The following ADAMTSL1 variants were observed in gnomAD, a reference collection of about 807,000 sequenced individuals.
The protein encoded by ADAMTSL1 is ADAMTS-like protein 1.
In ADAMTSL1, 126 loss-of-function variants were observed where a neutral mutation model predicts 201.8. That is an observed-to-expected ratio of 0.62 (90% CI 0.54 to 0.72). ADAMTSL1 has a LOEUF of 0.72. ADAMTSL1 is among the 30% of genes least tolerant of loss of function. The probability of loss-of-function intolerance (pLI) is 0.00; values close to 1 mark genes in which losing one functional copy is unlikely to be tolerated. For synonymous variants in ADAMTSL1, 1,121 were observed against 903.4 expected (o/e 1.24, Z -4.32); for missense variants, 2,679 against 2,277.8 (o/e 1.18, Z -3.59).
chr9:18,387,756 C>T (rs1226470205), intron 2 of ADAMTSL1, among the ~76,000 whole-genome samples: 3 of 152,016 alleles, frequency 2.0e-5, no homozygotes, highest in South Asian at 2.1e-4. Context: ...TTTATTGTAA[C>T]TGTAGGCTTG....
chr9:18,809,015 G>A (rs1823339986), intron 20 of ADAMTSL1, among the ~76,000 whole-genome samples: 2 of 152,208 alleles, frequency 1.3e-5, no homozygotes, highest in African/African-American at 4.8e-5. Context: ...GATACTTATT[G>A]AGAATCTACT....
At chr9:18,221,029 C>T (rs1170994914) in intron 2 of ADAMTSL1, among the ~76,000 whole-genome samples, 1 of 152,078 alleles carries the variant, frequency 6.6e-6, no homozygotes, top group Non-Finnish European at 1.5e-5. Flanking sequence ...CCCTCTTTGG[C>T]CTCCCAAAGT....
intron 2 of ADAMTSL1, among the ~76,000 whole-genome samples, chr9:18,378,004 C>A (rs1163623144): frequency 1.3e-5 from 2 of 152,182 alleles, no homozygotes; most frequent in Non-Finnish European, 2.9e-5. Flanking sequence ...GGGGTGCCAG[C>A]GTTTTGGCAC....
chr9:18,842,721 A>G (rs1217909829), intron 23 of ADAMTSL1, among the ~76,000 whole-genome samples: 7 of 152,110 alleles, frequency 4.6e-5, no homozygotes, highest in African/African-American at 9.7e-5. Flanking sequence ...GGGTGCTCCC[A>G]TATTGGGTGC....
intron 1 of ADAMTSL1, among the ~76,000 whole-genome samples, chr9:17,954,119 C>T (rs934808276): frequency 1.1e-4 from 16 of 152,178 alleles, no homozygotes; most frequent in Middle Eastern, 3.2e-3. Context: ...TGTCTATCAC[C>T]TCATGTGGGA....
chr9:18,740,348 G>C (rs1457341379), intron 15 of ADAMTSL1, among the ~76,000 whole-genome samples: 3 of 151,752 alleles, frequency 2.0e-5, no homozygotes, highest in Non-Finnish European at 4.4e-5. Flanking sequence ...CTGCTTCCCA[G>C]TCTCCCCCAC....
chr9:18,753,079 G>C (rs923564001), intron 15 of ADAMTSL1, among the ~76,000 whole-genome samples: 1 of 152,098 alleles, frequency 6.6e-6, no homozygotes, highest in Admixed American at 6.6e-5. Flanking sequence ...GGTAAAAATT[G>C]GATATTCCAT....
At chr9:18,184,494 A>G (rs1013099884) in intron 2 of ADAMTSL1, among the ~76,000 whole-genome samples, 4 of 152,224 alleles carry the variant, frequency 2.6e-5, no homozygotes, top group Admixed American at 1.3e-4. Flanking sequence ...TGATAAGAGG[A>G]TAGGATTTTT....
chr9:17,940,607 G>A (rs1042096331), intron 1 of ADAMTSL1, among the ~76,000 whole-genome samples: 1 of 151,512 alleles, frequency 6.6e-6, no homozygotes, highest in Admixed American at 6.6e-5. Flanking sequence ...ATTTGGAAAT[G>A]CAAGATGGGA....
intron 2 of ADAMTSL1, among the ~76,000 whole-genome samples, chr9:18,440,279 C>T (rs901718684): frequency 6.6e-6 from 1 of 152,098 alleles, no homozygotes; most frequent in South Asian, 2.1e-4. Context: ...GTAGACCCCT[C>T]AGTACCCATG....
Position 18,635,988 on chromosome 9 carries a change from G to T in ADAMTSL1, c.647G>T (p.Arg216Leu). ...VAIPYGSRHI[R>L]LVLKGPDHLY... ...ATTCCCTATGGAAGTAGACATATTCGCCTTGTCTTAAAAGGTCCTGATCAC... is the reference window on the plus strand; with the variant it reads ...ATTCCCTATGGAAGTAGACATATTCTCCTTGTCTTAAAAGGTCCTGATCAC... The change falls in exon 6 of 29, where the codon CGC becomes CTC. Residue 216 changes from arginine (R) to leucine (L), a missense_variant. Physicochemically the swap from Arg to Leu is moderately radical, Grantham distance 102. Transcript: ENST00000380548. The T allele has an allele frequency of 1.2e-6, 2 of 1,602,096 alleles. No homozygotes were observed. Among genetic ancestry groups the T allele is most frequent in the Non-Finnish European group, 8.5e-7 (1 of 1,177,238 alleles).
intron 6 of ADAMTSL1, among the ~76,000 whole-genome samples, chr9:18,637,811 G>A (rs1470714647): frequency 6.6e-6 from 1 of 152,070 alleles, no homozygotes; most frequent in Non-Finnish European, 1.5e-5. Context: ...ATAAGATGAG[G>A]CAATCTAGTC....
intron 5 of ADAMTSL1, among the ~76,000 whole-genome samples, chr9:18,631,182 T>G (rs2132736246): frequency 6.6e-6 from 1 of 152,328 alleles, no homozygotes. Flanking sequence ...TTTAACTGAT[T>G]ACATATAAAG....
At chr9:18,623,829 C>T (rs1273189607) in intron 5 of ADAMTSL1, among the ~76,000 whole-genome samples, 1 of 152,176 alleles carries the variant, frequency 6.6e-6, no homozygotes, top group African/African-American at 2.4e-5. Context: ...GTATTTCTTT[C>T]CATATGTCTC....
At chr9:17,971,198 AG>A (rs1314900324) in intron 1 of ADAMTSL1, among the ~76,000 whole-genome samples, 1 of 152,034 alleles carries the variant, frequency 6.6e-6, no homozygotes, top group Non-Finnish European at 1.5e-5. Context: ...GATAGTTTGG[AG>A]GGTTGGAAAA....
At chr9:18,587,078 C>T (rs1459256418) in intron 4 of ADAMTSL1, among the ~76,000 whole-genome samples, 1 of 152,080 alleles carries the variant, frequency 6.6e-6, no homozygotes, top group Non-Finnish European at 1.5e-5. Flanking sequence ...AGCAATTCAA[C>T]AAAAGCAAAC....
chr9:18,453,539 G>C (rs924160615), intron 2 of ADAMTSL1, among the ~76,000 whole-genome samples: 1 of 151,512 alleles, frequency 6.6e-6, no homozygotes, highest in Admixed American at 6.6e-5. Flanking sequence ...TTTTAGTTTT[G>C]CTTCTCTTTT....
intron 4 of ADAMTSL1, among the ~76,000 whole-genome samples, chr9:18,593,094 T>G (rs1484290931): frequency 6.6e-6 from 1 of 152,198 alleles, no homozygotes; most frequent in East Asian, 1.9e-4. Flanking sequence ...TGAATTTGTT[T>G]AACAGTTCTA....
intron 3 of ADAMTSL1, among the ~76,000 whole-genome samples, chr9:18,537,194 G>T (rs1189091173): frequency 6.6e-6 from 1 of 152,142 alleles, no homozygotes; most frequent in Admixed American, 6.5e-5. Flanking sequence ...TGGAGAAAAA[G>T]AGATTACAAA....
Sources: gnomAD v4.1 joint callset for allele counts (sites outside exome capture counted in the v4.1 genomes callset) on GRCh38, gnomAD v4.1.1 for gene constraint, MANE v1.5 for transcripts, NCBI Gene and HGNC (gene_info 2026-07-23, HGNC 2026-07-21) for gene names.